RSU1: variants seen among roughly 807,000 people sequenced by gnomAD.
The protein encoded by RSU1 is Ras suppressor protein 1, also known as rsu-1.
Under a neutral mutation model 31.1 loss-of-function variants are expected in RSU1, and 26 were observed. The ratio of observed to expected loss-of-function variants is 0.84; its 90% confidence interval spans 0.61 to 1.16. RSU1 has a LOEUF of 1.16. Ranked by LOEUF, RSU1 falls within the 50% of genes most tolerant of loss-of-function variation. The pLI is 0.00. For synonymous variants in RSU1, 164 were observed against 136.3 expected (o/e 1.20, Z -1.41); for missense variants, 320 against 339.1 (o/e 0.94, Z 0.44).
intron 8 of RSU1, among the ~76,000 whole-genome samples, chr10:16,612,425 G>C (rs1158957753): frequency 1.3e-5 from 2 of 152,152 alleles, no homozygotes; most frequent in African/African-American, 4.8e-5. Flanking sequence ...CTGGAGGAAG[G>C]TGCAAACTCT....
At chr10:16,649,139 C>T (rs2131512367) in intron 8 of RSU1, among the ~76,000 whole-genome samples, 1 of 152,130 alleles carries the variant, frequency 6.6e-6, no homozygotes, top group South Asian at 2.1e-4. Context: ...TTTTTTGAAC[C>T]ATCAATGCAG....
At position 16,591,305 on chromosome 10, in the gene RSU1, C is replaced by CTGTT. The variant is rs1231639984; in HGVS notation, c.*2085_*2088dup. On this transcript the variant is annotated 3_prime_UTR_variant, in exon 9 of 9. Coordinates refer to ENST00000345264, the MANE Select transcript of RSU1 (RefSeq NM_012425.4). ...CCACTGACAGGGATCAGGCTTTTCT[C>CTGTT]TGTTTTTCTTGTGTATGCAATGCTA... The CTGTT allele has an allele frequency of 2.0e-5, 3 of 152,280 alleles. No homozygotes were observed. The highest frequency in any genetic ancestry group is 7.2e-5 in the African/African-American group (3 of 41,566). The allele number at this position is 152,280 out of a possible 1,614,324, so 9.4% of individuals were successfully genotyped here. A position where few individuals can be genotyped will look rare whatever the true frequency, so the allele number is the denominator to read the frequency against.
At chr10:16,640,584 C>T (rs983978847) in intron 8 of RSU1, among the ~76,000 whole-genome samples, 2 of 152,234 alleles carry the variant, frequency 1.3e-5, no homozygotes. Flanking sequence ...CCTGGGACCA[C>T]TGGTGACTAC....
chr10:16,628,810 T>C (rs1345905807), intron 8 of RSU1, among the ~76,000 whole-genome samples: 1 of 152,222 alleles, frequency 6.6e-6, no homozygotes, highest in East Asian at 1.9e-4. Context: ...TTTAAATTAA[T>C]TCTTACTTTT....
In RSU1 at chr10:16,773,501, C is replaced by A. The variant is rs115398281; in HGVS notation, c.160+8533G>T. ...ACGCTTCGTCCATGGAGCTCCTACA[C>A]TGACCTAACGGGACGTCAAGTGCAC... On this transcript the variant is annotated intron_variant, in intron 3 of 8. Transcript: ENST00000345264. Among the ~76,000 whole-genome samples the A allele has an allele frequency of 1.4e-3, 212 of 152,336 alleles. 2 individuals carry two copies. Among genetic ancestry groups the A allele is most frequent in the African/African-American group, 5.0e-3 (208 of 41,580 alleles).
At chr10:16,760,000 T>G (rs1405943537) in intron 4 of RSU1, among the ~76,000 whole-genome samples, 2 of 152,198 alleles carry the variant, frequency 1.3e-5, no homozygotes, top group East Asian at 1.9e-4. Context: ...TGAGTACAAT[T>G]CTTTATGCCA....
At chr10:16,612,175 A>G (rs1833901635) in intron 8 of RSU1, among the ~76,000 whole-genome samples, 1 of 152,238 alleles carries the variant, frequency 6.6e-6, no homozygotes, top group Non-Finnish European at 1.5e-5. Context: ...GAGTTGCAAT[A>G]TGCCTTATGG....
chr10:16,817,324 T>C lies in RSU1; in HGVS notation c.-13A>G, dbSNP rs907335253. The C allele has an allele frequency of 2.0e-5, 10 of 504,308 alleles. No individual in the cohort carries two copies. Among genetic ancestry groups the C allele is most frequent in the Non-Finnish European group, 3.6e-5 (10 of 279,636 alleles). The allele number at this position is 504,308 out of a possible 1,614,324, so 31.2% of individuals were successfully genotyped here. On this transcript the variant is annotated 5_prime_UTR_variant, in exon 1 of 9. Transcript: ENST00000345264. ...CACCGCACACACTCACCACGGAAGG[T>C]AGCCCCTAAGACGATGGGCGTGCAA...
chr10:16,721,194 G>A (rs950781198), intron 7 of RSU1, among the ~76,000 whole-genome samples: 12 of 152,142 alleles, frequency 7.9e-5, no homozygotes, highest in African/African-American at 2.9e-4. Flanking sequence ...TCTTGACCCA[G>A]TGTAGAGAGA....
intron 8 of RSU1, among the ~76,000 whole-genome samples, chr10:16,595,291 A>G (rs1833592687): frequency 6.6e-6 from 1 of 152,194 alleles, no homozygotes. Flanking sequence ...GGAACTGCCC[A>G]GTTGATTTTG....
chr10:16,610,818 G>A (rs932470463), intron 8 of RSU1, among the ~76,000 whole-genome samples: 2 of 152,140 alleles, frequency 1.3e-5, no homozygotes, highest in Admixed American at 6.5e-5. Context: ...TACAAAACTG[G>A]TGCCTGGTGC....
chr10:16,618,137 A>G (rs1834010209), intron 8 of RSU1, among the ~76,000 whole-genome samples: 1 of 152,240 alleles, frequency 6.6e-6, no homozygotes, highest in African/African-American at 2.4e-5. Flanking sequence ...AATTTACAAG[A>G]AGAAAACAAC....
At chr10:16,667,726 G>C (rs144522707) in intron 8 of RSU1, among the ~76,000 whole-genome samples, 1 of 152,136 alleles carries the variant, frequency 6.6e-6, no homozygotes, top group African/African-American at 2.4e-5. Context: ...GACCTCAGGT[G>C]ATCTGCCCAC....
chr10:16,755,997 A>G (rs1467304374), intron 4 of RSU1, among the ~76,000 whole-genome samples: 2 of 152,242 alleles, frequency 1.3e-5, no homozygotes, highest in East Asian at 3.9e-4. Context: ...TTCCTTGTAA[A>G]GAACAACTTC....
At position 16,817,037 on chromosome 10, in the gene RSU1, C is replaced by A. The variant is rs376407944; in HGVS notation, c.45G>T (p.Lys15Asn). 44 of 1,614,096 alleles carry A rather than the reference C, an allele frequency of 2.7e-5. No individual in the cohort carries two copies. Among genetic ancestry groups the A allele is most frequent in the Non-Finnish European group, 3.5e-5 (41 of 1,180,018 alleles). ...CACTCATGTCCACCTCGGGCTGGTT[C>A]TTCTCCCGGCTCTCCTCCACCAACT... ...LKKLVEESRE[K>N]NQPEVDMSDR... Residue 15 changes from lysine (K) to asparagine (N), a missense_variant, in exon 2 of 9, where the codon AAG becomes AAT. Coordinates refer to ENST00000345264, the MANE Select transcript of RSU1 (RefSeq NM_012425.4).
chr10:16,680,945 G>A (rs1347868052), intron 8 of RSU1, among the ~76,000 whole-genome samples: 2 of 152,186 alleles, frequency 1.3e-5, no homozygotes, highest in Non-Finnish European at 2.9e-5. Flanking sequence ...ATAAAATCCA[G>A]AAGAAAATGG....
intron 8 of RSU1, among the ~76,000 whole-genome samples, chr10:16,605,195 T>C (rs981200934): frequency 1.3e-5 from 2 of 152,210 alleles, no homozygotes; most frequent in African/African-American, 4.8e-5. Context: ...GTCACCACTC[T>C]GGTCTACTGC....
chr10:16,688,379 G>T (rs1197819005), intron 8 of RSU1, among the ~76,000 whole-genome samples: 1 of 152,120 alleles, frequency 6.6e-6, no homozygotes, highest in African/African-American at 2.4e-5. Context: ...GGCCGAGGCG[G>T]ACGGGTCACG....
chr10:16,680,085 T>C (rs1414037306), intron 8 of RSU1, among the ~76,000 whole-genome samples: 1 of 152,018 alleles, frequency 6.6e-6, no homozygotes, highest in Non-Finnish European at 1.5e-5. Context: ...TTTCACCATG[T>C]TGGCCAGTCT....
Sources: allele counts gnomAD v4.1 joint callset (sites outside exome capture counted in the v4.1 genomes callset), GRCh38; gene constraint gnomAD v4.1.1; transcripts MANE v1.5; gene names NCBI Gene and HGNC (gene_info 2026-07-23, HGNC 2026-07-21).